The following MACROD2 variants were observed in gnomAD, a reference collection of about 807,000 sequenced individuals.
The protein encoded by MACROD2 is ADP-ribose glycohydrolase MACROD2.
MACROD2 carries 36 observed loss-of-function variants against 70.4 expected under a neutral mutation model. That is an observed-to-expected ratio of 0.51 (90% CI 0.39 to 0.68). MACROD2 has a LOEUF of 0.68. MACROD2 is among the 30% of genes least tolerant of loss of function. The pLI is 0.00. For synonymous variants in MACROD2, 172 were observed against 178.8 expected, an observed-to-expected ratio of 0.96 and a Z score of 0.30; for missense variants, 496 against 538.4, an observed-to-expected ratio of 0.92 and a Z score of 0.78.
At chr20:15,031,974 G>A (rs1038375379) in intron 5 of MACROD2, among the ~76,000 whole-genome samples, 4 of 152,288 alleles carry the variant, frequency 2.6e-5, no homozygotes, top group East Asian at 1.9e-4. Context: ...GACCGCCCCC[G>A]CTGGCCTCCC....
At chr20:15,345,364 C>G (rs1364807963) in intron 6 of MACROD2, among the ~76,000 whole-genome samples, 1 of 152,154 alleles carries the variant, frequency 6.6e-6, no homozygotes, top group East Asian at 1.9e-4. Flanking sequence ...AGACAATGAT[C>G]TCTGATTTTA....
chr20:15,731,729 C>T (rs1181726161), intron 8 of MACROD2, among the ~76,000 whole-genome samples: 1 of 55,642 alleles, frequency 1.8e-5, no homozygotes, highest in East Asian at 2.8e-4. Flanking sequence ...CTGGCAGAAA[C>T]GAGTTTGCAG....
At chr20:15,519,112 TTCC>T (rs1426926887) in intron 8 of MACROD2, among the ~76,000 whole-genome samples, 61 of 144,610 alleles carry the variant, frequency 4.2e-4, no homozygotes, top group African/African-American at 1.5e-3. Context: ...CCTTCCTTCC[TTCC>T]TTCCTTTCTT....
intron 8 of MACROD2, among the ~76,000 whole-genome samples, chr20:15,709,094 G>C (rs929147266): frequency 1.3e-5 from 2 of 151,970 alleles, no homozygotes; most frequent in Non-Finnish European, 2.9e-5. Context: ...GGTATTACAG[G>C]GTTCTTTGAT....
chr20:15,458,636 TTTTAAAA>T (rs1568823434), intron 7 of MACROD2, among the ~76,000 whole-genome samples: 29 of 130,562 alleles, frequency 2.2e-4, no homozygotes, highest in East Asian at 4.0e-4. Context: ...TGTTTTTTTT[TTTTAAAA>T]AAAAAAAAGA....
At chr20:14,232,509 C>A (rs1262333299) in intron 3 of MACROD2, among the ~76,000 whole-genome samples, 1 of 152,238 alleles carries the variant, frequency 6.6e-6, no homozygotes, top group African/African-American at 2.4e-5. Flanking sequence ...CTTGCTACTT[C>A]ATCTTTCACT....
At chr20:14,003,703 AG>A (rs940891586) in intron 2 of MACROD2, 1 of 481,888 alleles carries the variant, frequency 2.1e-6, no homozygotes, top group African/African-American at 2.0e-5. Flanking sequence ...ACAGTGTAAC[AG>A]GGTCTCCTTG....
chr20:14,343,514 T>G (rs1364514920), intron 3 of MACROD2, among the ~76,000 whole-genome samples: 3 of 152,198 alleles, frequency 2.0e-5, no homozygotes, highest in Non-Finnish European at 4.4e-5. Context: ...ATAGTTGCTT[T>G]TAATCTTCAT....
chr20:15,735,633 CT>C (rs2051008706), intron 8 of MACROD2, among the ~76,000 whole-genome samples: 2 of 152,202 alleles, frequency 1.3e-5, no homozygotes, highest in South Asian at 4.1e-4. Context: ...GGATATGCCG[CT>C]GTGTAACTTT....
At chr20:15,766,689 T>A (rs1186042739) in intron 8 of MACROD2, among the ~76,000 whole-genome samples, 2 of 152,228 alleles carry the variant, frequency 1.3e-5, no homozygotes, top group Non-Finnish European at 2.9e-5. Context: ...AGCCATCTTT[T>A]ATTACTTAGA....
chr20:14,645,755 C>T (rs944887668), intron 4 of MACROD2, among the ~76,000 whole-genome samples: 11 of 151,900 alleles, frequency 7.2e-5, no homozygotes, highest in Non-Finnish European at 1.2e-4. Context: ...TTCAAAAGTA[C>T]GTGGTGCTCA....
chr20:14,187,158 G>C (rs1025049375), intron 3 of MACROD2, among the ~76,000 whole-genome samples: 1 of 125,358 alleles, frequency 8.0e-6, no homozygotes, highest in African/African-American at 2.9e-5. Context: ...AAAAAAAAAA[G>C]AAATGTGGTA....
intron 8 of MACROD2, among the ~76,000 whole-genome samples, chr20:15,510,425 T>C (rs937204529): frequency 6.6e-6 from 1 of 152,008 alleles, no homozygotes; most frequent in African/African-American, 2.4e-5. Context: ...AAGGGAAAAT[T>C]AACAGTTTTG....
intron 5 of MACROD2, among the ~76,000 whole-genome samples, chr20:14,782,169 C>T (rs1167097204): frequency 6.6e-6 from 1 of 151,988 alleles, no homozygotes; most frequent in Non-Finnish European, 1.5e-5. Flanking sequence ...AGTGATCTGC[C>T]TGATTTGGCC....
At chr20:14,772,310 A>G (rs77435524) in intron 5 of MACROD2, among the ~76,000 whole-genome samples, 13,337 of 152,006 alleles carry the variant, frequency 0.088, 986 homozygotes, top group African/African-American at 0.2. Flanking sequence ...TGAAGATAGT[A>G]TATGTGTATT....
chr20:14,841,063 A>C (rs974809864), intron 5 of MACROD2, among the ~76,000 whole-genome samples: 4 of 152,160 alleles, frequency 2.6e-5, no homozygotes, highest in Non-Finnish European at 5.9e-5. Flanking sequence ...ACATATTTTA[A>C]TGTTAAATTT....
intron 8 of MACROD2, among the ~76,000 whole-genome samples, chr20:15,507,975 T>C (rs2047449878): frequency 6.6e-6 from 1 of 152,214 alleles, no homozygotes; most frequent in Non-Finnish European, 1.5e-5. Context: ...TTTTAGGCGT[T>C]GAGCTGAGCT....
chr20:15,483,058 G>GT (rs1239037840), intron 7 of MACROD2, among the ~76,000 whole-genome samples: 2 of 152,014 alleles, frequency 1.3e-5, no homozygotes, highest in Non-Finnish European at 1.5e-5. Flanking sequence ...CAGAGCAGAT[G>GT]TTTTTTAATT....
chr20:15,593,744 T>C (rs1259824767), intron 8 of MACROD2, among the ~76,000 whole-genome samples: 1 of 152,228 alleles, frequency 6.6e-6, no homozygotes, highest in Admixed American at 6.5e-5. Context: ...TGCTCCTTTA[T>C]TTCATTTTTT....
Sources: allele counts gnomAD v4.1 joint callset (sites outside exome capture counted in the v4.1 genomes callset), GRCh38; gene constraint gnomAD v4.1.1; transcripts MANE v1.5; gene names NCBI Gene and HGNC (gene_info 2026-07-23, HGNC 2026-07-21).